The following SEC24A variants were observed in gnomAD, a reference collection of about 807,000 sequenced individuals.
SEC24A encodes the protein SEC24 homolog A, COPII component, also known as protein transport protein Sec24A.
A neutral mutation model predicts 129.4 loss-of-function variants in SEC24A; 93 were observed. That is an observed-to-expected ratio of 0.72 (90% confidence interval 0.61 to 0.85). SEC24A has a LOEUF of 0.85. Among genes scored for constraint, SEC24A ranks in the 40% least tolerant of loss-of-function variants. SEC24A has a pLI of 0.00. For missense variants in SEC24A, 1,264 were observed against 1,307.4 expected (o/e 0.97, Z 0.51); for synonymous variants, 460 against 467.3 (o/e 0.98, Z 0.20).
intron 18 of SEC24A, among the ~76,000 whole-genome samples, chr5:134,713,503 A>G (rs1459517544): frequency 6.6e-6 from 1 of 152,104 alleles, no homozygotes; most frequent in African/African-American, 2.4e-5. Context: ...AAGGATTTTT[A>G]TCTTTTTCAT....
intron 9 of SEC24A, 142 bp from the exon 10 acceptor site, chr5:134,686,648 T>C: frequency 8.2e-6 from 4 of 489,354 alleles, no homozygotes; most frequent in East Asian, 3.3e-5. Flanking sequence ...ATAAACAATA[T>C]AGTATAGCTT....
chr5:134,674,811 C>T (rs1380596282), intron 5 of SEC24A, 36 bp downstream of exon 5: 1 of 1,594,888 alleles, frequency 6.3e-7, no homozygotes, highest in East Asian at 2.2e-5. Context: ...CCTATTTCTC[C>T]ATTTGGTTTA....
At chr5:134,715,242 T>C (rs879111865) in intron 19 of SEC24A, 81 bp downstream of exon 19, 1 of 1,196,828 alleles carries the variant, frequency 8.4e-7, no homozygotes, top group South Asian at 1.4e-5. Context: ...GAGGAAGGGT[T>C]TGTTTATTAT....
chr5:134,678,983 G>C (rs1456524304), intron 7 of SEC24A, among the ~76,000 whole-genome samples: 2 of 152,048 alleles, frequency 1.3e-5, no homozygotes, highest in Non-Finnish European at 2.9e-5. Context: ...CCACCAGAGT[G>C]CTGGGATTTT....
At position 134,682,323 on chromosome 5, in the gene SEC24A, A is replaced by G. The variant is rs544823106; in HGVS notation, c.1382-50A>G. 2.7e-5 allele frequency: 26 copies of G among 964,402 alleles called. No individual in the cohort carries two copies. The Admixed American group carries it at 4.3e-4, about 16-fold the overall frequency. The allele number at this position is 964,402 out of a possible 1,614,324, so 59.7% of individuals were successfully genotyped here. A position where few individuals can be genotyped will look rare whatever the true frequency, so the allele number is the denominator to read the frequency against. On this transcript the variant is annotated intron_variant, in intron 8 of 22. Coordinates refer to ENST00000398844, the MANE Select transcript of SEC24A (RefSeq NM_021982.3). ...AAGAAAGTGGCCAAATGCAAAATAC[A>G]TTAAATTCTTTTCAGTTTTTTCAAT...
At chr5:134,674,864 C>T (rs1751003924) in intron 5 of SEC24A, 89 bp downstream of exon 5, 1 of 1,223,180 alleles carries the variant, frequency 8.2e-7, no homozygotes, top group Admixed American at 2.7e-5. Flanking sequence ...GTATATTATA[C>T]ATTTTTATAA....
rs1314177346 is a variant in SEC24A, at chr5:134,672,431, G to A, written c.817+545G>A. Among the ~76,000 whole-genome samples, 6 of 152,130 alleles carry A rather than the reference G, an allele frequency of 3.9e-5. No individual in the cohort carries two copies. The East Asian group carries it at 1.2e-3, about 30-fold the overall frequency. On this transcript the variant is annotated intron_variant, in intron 4 of 22. Coordinates refer to ENST00000398844, the MANE Select transcript of SEC24A (RefSeq NM_021982.3). The stretch of plus-strand genomic sequence containing the variant: ...TCTAACTCCTGACCTCAAGTGATCT[G>A]CCCGCCTCGGCCTCCCAAAGTGCTG...
chr5:134,695,339 AAAC>A (rs552433417), intron 13 of SEC24A, among the ~76,000 whole-genome samples: 1 of 151,720 alleles, frequency 6.6e-6, no homozygotes, highest in Non-Finnish European at 1.5e-5. Context: ...CCAACTTGGG[AAAC>A]AACAACAACA....
intron 18 of SEC24A, among the ~76,000 whole-genome samples, chr5:134,711,265 C>T (rs1025226823): frequency 6.6e-6 from 1 of 152,152 alleles, no homozygotes; most frequent in African/African-American, 2.4e-5. Flanking sequence ...GGGTTTGAGA[C>T]CAGCCTGGGC....
At chr5:134,709,524 A>G (rs974030347) in intron 18 of SEC24A, among the ~76,000 whole-genome samples, 1 of 152,208 alleles carries the variant, frequency 6.6e-6, no homozygotes, top group Admixed American at 6.6e-5. Flanking sequence ...GAAGGCACAC[A>G]TGCACTGTGT....
intron 18 of SEC24A, among the ~76,000 whole-genome samples, chr5:134,709,138 G>C (rs1752247980): frequency 6.6e-6 from 1 of 152,146 alleles, no homozygotes; most frequent in African/African-American, 2.4e-5. Flanking sequence ...TTGAGTCCAG[G>C]AGGCGGAGGT....
chr5:134,681,047 C>G (rs73295486), intron 8 of SEC24A, among the ~76,000 whole-genome samples: 1 of 149,028 alleles, frequency 6.7e-6, no homozygotes, highest in African/African-American at 2.5e-5. Flanking sequence ...TTCAGTGAGC[C>G]GAAATCGAGT....
chr5:134,665,248 A>G (rs1459360283), intron 2 of SEC24A, among the ~76,000 whole-genome samples: 1 of 151,088 alleles, frequency 6.6e-6, no homozygotes, highest in African/African-American at 2.4e-5. Context: ...GGAGTTTGAG[A>G]TCAGCCTCCA....
intron 11 of SEC24A, 114 bp downstream of exon 11, chr5:134,688,413 A>T: frequency 1.5e-6 from 1 of 670,870 alleles, no homozygotes; most frequent in Non-Finnish European, 2.6e-6. Context: ...CTTGAGTATA[A>T]AATCATGATT....
chr5:134,694,742 C>T (rs1051729531), intron 13 of SEC24A, among the ~76,000 whole-genome samples: 2 of 150,822 alleles, frequency 1.3e-5, no homozygotes, highest in African/African-American at 4.9e-5. Context: ...TTGCTTGAAC[C>T]TGGGAGGCGG....
chr5:134,712,084 G>T (rs116587406), intron 18 of SEC24A, among the ~76,000 whole-genome samples: 1 of 151,828 alleles, frequency 6.6e-6, no homozygotes, highest in South Asian at 2.1e-4. Context: ...CACTGGCCTC[G>T]GCCTCCTAAA....
intron 1 of SEC24A, among the ~76,000 whole-genome samples, chr5:134,660,043 G>A (rs1007308730): frequency 6.6e-6 from 1 of 151,956 alleles, no homozygotes; most frequent in African/African-American, 2.4e-5. Context: ...TGGCTTGAAG[G>A]CACCTCTTTA....
intron 9 of SEC24A, among the ~76,000 whole-genome samples, chr5:134,685,377 A>AC (rs1355340748): frequency 6.6e-6 from 1 of 151,864 alleles, no homozygotes; most frequent in East Asian, 1.9e-4. Flanking sequence ...AAAAAAAAAA[A>AC]AATAATAATA....
At chr5:134,681,047 C>T (rs73295486) in intron 8 of SEC24A, among the ~76,000 whole-genome samples, 3,737 of 149,132 alleles carry the variant, frequency 0.025, 63 homozygotes, top group African/African-American at 0.057. Context: ...TTCAGTGAGC[C>T]GAAATCGAGT....
Sources: allele counts gnomAD v4.1 joint callset (sites outside exome capture counted in the v4.1 genomes callset), GRCh38; gene constraint gnomAD v4.1.1; transcripts MANE v1.5; gene names NCBI Gene and HGNC (gene_info 2026-07-23, HGNC 2026-07-21).